The following ETFDH variants were observed in gnomAD, a reference collection of about 807,000 sequenced individuals.
ETFDH encodes the protein electron transfer flavoprotein dehydrogenase.
A neutral mutation model predicts 73.2 loss-of-function variants in ETFDH; 61 were observed. The observed-to-expected ratio is 0.83, with a 90% confidence interval of 0.68 to 1.03. The LOEUF is 1.03. Among genes scored for constraint, ETFDH ranks in the 50% least tolerant of loss-of-function variants. The pLI is 0.00. For synonymous variants in ETFDH, 243 were observed against 253.3 expected (o/e 0.96, Z 0.39); for missense variants, 685 against 745.0 (o/e 0.92, Z 0.94).
At chr4:158,676,032 C>T (rs1773703707) in intron 1 of ETFDH, among the ~76,000 whole-genome samples, 1 of 152,180 alleles carries the variant, frequency 6.6e-6, no homozygotes, top group Non-Finnish European at 1.5e-5. Flanking sequence ...GCCCACTACC[C>T]AGACAGAGCC....
At chr4:158,705,476 G>C (rs1311948926) in intron 10 of ETFDH, among the ~76,000 whole-genome samples, 1 of 152,184 alleles carries the variant, frequency 6.6e-6, no homozygotes, top group Non-Finnish European at 1.5e-5. Flanking sequence ...ACAGTCTAAG[G>C]TACTGGAGGT....
chr4:158,682,674 C>T (rs377688162), intron 3 of ETFDH, among the ~76,000 whole-genome samples: 1 of 151,922 alleles, frequency 6.6e-6, no homozygotes, highest in Middle Eastern at 3.4e-3. Flanking sequence ...GCTGGGTTTA[C>T]AAGCACCTGC....
chr4:158,672,614 A>G (rs1773603902), intron 1 of ETFDH, 124 bp downstream of exon 1: 1 of 1,002,244 alleles, frequency 1.0e-6, no homozygotes, highest in Non-Finnish European at 1.6e-6. Context: ...ATCTAGGGCA[A>G]AGGTCACGCG....
At chr4:158,682,143 T>C (rs1429676845) in intron 2 of ETFDH, 52 bp from the exon 3 acceptor site, 11 of 1,610,816 alleles carry the variant, frequency 6.8e-6, no homozygotes, top group Non-Finnish European at 8.5e-6. Flanking sequence ...GTCATGTGAT[T>C]TATCATGTGA....
In ETFDH at chr4:158,685,014, T is replaced by C. The variant is rs980131952; in HGVS notation, c.488-87T>C. ...AATGTAGCACTTATGTAGAAATACA[T>C]ATTGATTCGAAATTTTAAAGTATTT... On this transcript the variant is annotated intron_variant, in intron 4 of 12. Transcript: ENST00000511912. The C allele has an allele frequency of 1.6e-5, 13 of 810,606 alleles. No individual in the cohort carries two copies. The African/African-American group carries it at 2.2e-4, about 14-fold the overall frequency. The allele number at this position is 810,606 out of a possible 1,614,324, so 50.2% of individuals were successfully genotyped here.
chr4:158,708,231 A>G (rs145518656), intron 12 of ETFDH, 133 bp from the exon 13 acceptor site: 6 of 649,956 alleles, frequency 9.2e-6, no homozygotes, highest in African/African-American at 9.1e-5. Flanking sequence ...CAAGGTCTTC[A>G]TAATCTCTAT....
At chr4:158,678,398 T>C (rs1773763767) in intron 1 of ETFDH, among the ~76,000 whole-genome samples, 1 of 152,186 alleles carries the variant, frequency 6.6e-6, no homozygotes, top group Admixed American at 6.5e-5. Flanking sequence ...AGGTTAAAGA[T>C]TTTTGGGGAT....
intron 8 of ETFDH, 51 bp from the exon 9 acceptor site, chr4:158,698,936 A>G: frequency 7.6e-7 from 1 of 1,316,558 alleles, no homozygotes. Flanking sequence ...TTTTAGCTTG[A>G]TTTAATTTGA....
At chr4:158,690,247 G>T (rs1640582658) in intron 5 of ETFDH, 101 bp from the exon 6 acceptor site, 1 of 734,848 alleles carries the variant, frequency 1.4e-6, no homozygotes, top group Admixed American at 2.0e-5. Context: ...ATAATCTAGA[G>T]AAGATGTTCA....
rs1431138604 is a variant in ETFDH at position 158,706,867 on chromosome 4, A to G, written c.1690+17A>G. ...GTCCTGCAGGTAATAATTTCCATCT[A>G]TTCCTAAATATTTGCTTTAAACATT... On this transcript the variant is annotated intron_variant, in intron 12 of 12. Coordinates refer to ENST00000511912, the MANE Select transcript of ETFDH (RefSeq NM_004453.4). 6.1e-6 allele frequency: 9 copies of G among 1,475,016 alleles called. No individual in the cohort carries two copies. In the Admixed American group the frequency reaches 8.4e-5, roughly 14 times the overall value. The allele number at this position is 1,475,016 out of a possible 1,614,324, so 91.4% of individuals were successfully genotyped here.
chr4:158,685,542 G>T (rs1045901403), intron 5 of ETFDH, among the ~76,000 whole-genome samples: 2 of 152,004 alleles, frequency 1.3e-5, no homozygotes, highest in African/African-American at 4.8e-5. Context: ...CCTCTTCCAA[G>T]GACAACTTTC....
rs569115917 is a variant in ETFDH at position 158,681,186 on chromosome 4, A to G, written c.175+579A>G. On this transcript the variant is annotated intron_variant, in intron 2 of 12. Transcript: ENST00000511912. ...CTTTGATGACCTTCCAGTGGGAGAA[A>G]ATGTGGAGGTGAAAGATATTGATGA... 2.6e-5 allele frequency among the ~76,000 whole-genome samples: 4 copies of G among 152,256 alleles called. No individual in the cohort carries two copies. The East Asian group carries it at 7.7e-4, about 29-fold the overall frequency.
intron 9 of ETFDH, 73 bp downstream of exon 9, chr4:158,699,203 TTAGA>T: frequency 7.8e-7 from 1 of 1,274,008 alleles, no homozygotes. Flanking sequence ...TGTAACAAAT[TTAGA>T]TAAAGAATAA....
chr4:158,682,254 G>T lies in ETFDH; in HGVS notation c.235G>T (p.Ala79Ser). The T allele has an allele frequency of 6.2e-7, 1 of 1,614,210 alleles. No homozygotes were observed. The highest frequency in any genetic ancestry group is 8.5e-7 in the Non-Finnish European group (1 of 1,180,038). Residue 79 changes from alanine to serine, a missense_variant, in exon 3 of 13, where the codon GCA becomes TCA. Around this residue, in one of 3 missense-constraint regions of ETFDH, gnomAD observed 405 missense variants for 399.3 expected, o/e 1.01. Transcript: ENST00000511912. Reference sequence around the variant, plus strand: ...TGTTGTAATAGTTGGTGCAGGCCCTGCAGGGCTCTCTGCAGCTGTTCGTCT... The same window carrying T: ...TGTTGTAATAGTTGGTGCAGGCCCTTCAGGGCTCTCTGCAGCTGTTCGTCT... ...ADVVIVGAGP[A>S]GLSAAVRLKQ...
intron 1 of ETFDH, among the ~76,000 whole-genome samples, chr4:158,677,738 G>A (rs751574886): frequency 2.0e-5 from 3 of 152,142 alleles, no homozygotes; most frequent in Non-Finnish European, 4.4e-5. Flanking sequence ...GTTAATGCTG[G>A]TCAGTTATGT....
intron 5 of ETFDH, 61 bp from the exon 6 acceptor site, chr4:158,690,287 T>A: frequency 1.1e-6 from 1 of 945,402 alleles, no homozygotes. Context: ...CTGTTTACTG[T>A]TTTTTTCAAG....
chr4:158,686,387 G>C (rs1190559142), intron 5 of ETFDH, among the ~76,000 whole-genome samples: 1 of 152,142 alleles, frequency 6.6e-6, no homozygotes. Flanking sequence ...AGGCCCCAAA[G>C]ACCCAGGGGA....
intron 1 of ETFDH, among the ~76,000 whole-genome samples, chr4:158,673,141 T>C (rs900005319): frequency 6.6e-6 from 1 of 152,070 alleles, no homozygotes; most frequent in South Asian, 2.1e-4. Context: ...CCATCTCTAC[T>C]AAAAATACAA....
intron 10 of ETFDH, among the ~76,000 whole-genome samples, 198 bp downstream of exon 10, chr4:158,703,789 CA>C (rs1320553290): frequency 6.6e-6 from 1 of 152,144 alleles, no homozygotes; most frequent in Non-Finnish European, 1.5e-5. Context: ...TTATTCACAT[CA>C]AAAAAGTAGA....
Sources: gnomAD v4.1 joint callset for allele counts (sites outside exome capture counted in the v4.1 genomes callset) on GRCh38, gnomAD v4.1.1 for gene constraint, gnomAD v4.1.1 regional missense constraint, MANE v1.5 for transcripts, NCBI Gene and HGNC (gene_info 2026-07-23, HGNC 2026-07-21) for gene names.